PLS3: variants seen among roughly 807,000 people sequenced by gnomAD.
The protein encoded by PLS3 is plastin-3.
A neutral mutation model predicts 46.5 loss-of-function variants in PLS3; 11 were observed. That is an observed-to-expected ratio of 0.24 (90% confidence interval 0.15 to 0.39). PLS3 has a LOEUF of 0.39. PLS3 is among the 10% of genes least tolerant of loss of function. PLS3 has a pLI of 1.00. For missense variants in PLS3, 308 were observed against 461.8 expected, an observed-to-expected ratio of 0.67 and a Z score of 3.05; for synonymous variants, 167 against 162.2, an observed-to-expected ratio of 1.03 and a Z score of -0.22.
chrX:115,590,079 C>T (rs1366974604), intron 1 of PLS3, among the ~76,000 whole-genome samples: 2 of 111,558 alleles, frequency 1.8e-5, no homozygotes, highest in Non-Finnish European at 3.8e-5. Context: ...TTGTCTGGAA[C>T]TCCTGACCTC....
At chrX:115,623,023 C>G (rs950149563) in intron 3 of PLS3, among the ~76,000 whole-genome samples, 3 of 111,217 alleles carry the variant, frequency 2.7e-5, no homozygotes, top group Admixed American at 9.6e-5. Flanking sequence ...TTCACCCCCC[C>G]ACCCCACTCC....
chrX:115,595,225 A>G, intron 1 of PLS3, among the ~76,000 whole-genome samples: 1 of 111,890 alleles, frequency 8.9e-6, no homozygotes, highest in Non-Finnish European at 1.9e-5. Flanking sequence ...GAGGAAAGGA[A>G]ACTTTTACCT....
At chrX:115,572,900 C>T (rs1200959514) in intron 1 of PLS3, among the ~76,000 whole-genome samples, 4 of 110,194 alleles carry the variant, frequency 3.6e-5, no homozygotes, top group Non-Finnish European at 7.6e-5. Flanking sequence ...CGAGACCAGC[C>T]TGGCCAACAT....
intron 1 of PLS3, among the ~76,000 whole-genome samples, chrX:115,563,998 T>G (rs2074156325): frequency 8.9e-6 from 1 of 112,104 alleles, no homozygotes. Flanking sequence ...AAATCATGTC[T>G]AAACAGAATC....
Position 115,622,349 on chromosome X carries a change from A to G in PLS3, c.177A>G (p.Lys59=). The change falls in exon 3 of 16, where the codon AAA becomes AAG. Residue 59 remains lysine, a synonymous_variant. Transcript: ENST00000355899. ...ATAAAGTGAGAGAAATTATTCAGAA[A>G]CTCATGCTGGATGGTGACAGGAATA... ...PGYKVREIIQ[K]LMLDGDRNKD... is the part of the protein sequence containing the mutation. The G allele has an allele frequency of 8.4e-7, 1 of 1,195,628 alleles. No individual in the cohort carries two copies.
At chrX:115,568,475 A>G (rs2147411378) in intron 1 of PLS3, among the ~76,000 whole-genome samples, 1 of 112,167 alleles carries the variant, frequency 8.9e-6, no homozygotes, top group East Asian at 2.8e-4. Flanking sequence ...CCAAGTGATC[A>G]AATATTTTTA....
At chrX:115,605,728 T>TG (rs2074484535) in intron 1 of PLS3, among the ~76,000 whole-genome samples, 2 of 111,595 alleles carry the variant, frequency 1.8e-5, no homozygotes, top group South Asian at 7.6e-4. Flanking sequence ...CCTCCCAAAT[T>TG]GCTGGGATTA....
At chrX:115,590,921 A>C (rs1008930131) in intron 1 of PLS3, among the ~76,000 whole-genome samples, 4 of 110,881 alleles carry the variant, frequency 3.6e-5, no homozygotes, top group African/African-American at 6.6e-5. Flanking sequence ...GGCAGATCCC[A>C]AGGTCAGGAG....
intron 9 of PLS3, among the ~76,000 whole-genome samples, chrX:115,642,348 CAAAAG>C (rs2147574766): frequency 9.0e-6 from 1 of 111,523 alleles, no homozygotes; most frequent in South Asian, 3.8e-4. Flanking sequence ...TCCCTACGCT[CAAAAG>C]AAATCAGTGG....
At chrX:115,599,012 AAAT>A (rs201918468) in intron 1 of PLS3, among the ~76,000 whole-genome samples, 1,158 of 111,702 alleles carry the variant, frequency 0.01, 15 homozygotes, top group African/African-American at 0.036. Flanking sequence ...TTATCCTTTT[AAAT>A]AATGAAAACA....
chrX:115,582,611 A>G (rs1371741250), intron 1 of PLS3, among the ~76,000 whole-genome samples: 4 of 112,450 alleles, frequency 3.6e-5, no homozygotes, highest in African/African-American at 1.3e-4. Context: ...TTTGCAGCCA[A>G]TCTTAAGGAT....
At position 115,561,243 on chromosome X, in the gene PLS3, A is replaced by G. The variant is rs2074131749; in HGVS notation, c.-26A>G. On this transcript the variant is annotated 5_prime_UTR_variant, in exon 1 of 16. Coordinates refer to ENST00000355899, the MANE Select transcript of PLS3 (RefSeq NM_005032.7). ...GGTCGGCGGCAGTCGGGCCAGACCC[A>G]GGACTCTGCGACTTTACGTAAGTGC... 1 of 111,999 alleles carries G rather than the reference A, an allele frequency of 8.9e-6. No individual in the cohort carries two copies. Among genetic ancestry groups the G allele is most frequent in the African/African-American group, 3.3e-5 (1 of 30,729 alleles). 9.2% of individuals were successfully genotyped at this position (111,999 alleles called of 1,213,427 possible).
At chrX:115,596,934 C>G (rs2074395157) in intron 1 of PLS3, among the ~76,000 whole-genome samples, 1 of 109,475 alleles carries the variant, frequency 9.1e-6, no homozygotes, top group Non-Finnish European at 1.9e-5. Context: ...CACCTGAGAT[C>G]AGGAGTTCGA....
At chrX:115,587,196 A>G (rs989411568) in intron 1 of PLS3, among the ~76,000 whole-genome samples, 3 of 112,769 alleles carry the variant, frequency 2.7e-5, no homozygotes, top group African/African-American at 9.7e-5. Flanking sequence ...CCTCAGCACC[A>G]TACCATCACC....
intron 1 of PLS3, among the ~76,000 whole-genome samples, chrX:115,576,496 G>A (rs187800253): frequency 1.5e-4 from 17 of 111,838 alleles, no homozygotes; most frequent in African/African-American, 5.2e-4. Flanking sequence ...GCTTGATCCC[G>A]TGATCACGCC....
At chrX:115,580,720 A>C (rs2147429135) in intron 1 of PLS3, among the ~76,000 whole-genome samples, 1 of 112,346 alleles carries the variant, frequency 8.9e-6, no homozygotes, top group Admixed American at 9.5e-5. Flanking sequence ...GAATTGATTT[A>C]ATGAATTAGA....
At chrX:115,635,507 C>T (rs781821714) in intron 7 of PLS3, among the ~76,000 whole-genome samples, 20 of 108,239 alleles carry the variant, frequency 1.8e-4, no homozygotes, top group African/African-American at 6.4e-4. Context: ...AAAAATTAGC[C>T]AGGCGAGGTG....
intron 1 of PLS3, among the ~76,000 whole-genome samples, chrX:115,596,910 C>T (rs1287416517): frequency 1.6e-4 from 17 of 108,908 alleles, no homozygotes; most frequent in African/African-American, 5.0e-4. Flanking sequence ...TTTGGGAGGC[C>T]GAGGCGGGTG....
chrX:115,627,636 C>T (rs1351279270), intron 3 of PLS3, among the ~76,000 whole-genome samples: 2 of 112,078 alleles, frequency 1.8e-5, no homozygotes, highest in African/African-American at 6.5e-5. Flanking sequence ...GCGTAAGCTC[C>T]ATACTGTTGA....
Sources: allele counts gnomAD v4.1 joint callset (sites outside exome capture counted in the v4.1 genomes callset), GRCh38; gene constraint gnomAD v4.1.1; transcripts MANE v1.5; gene names NCBI Gene and HGNC (gene_info 2026-07-23, HGNC 2026-07-21).